PRELID2: variants seen among roughly 807,000 people sequenced by gnomAD.
PRELID2 encodes PRELI domain-containing protein 2.
PRELID2 carries 25 observed loss-of-function variants against 28.4 expected under a neutral mutation model. That is an observed-to-expected ratio of 0.88 (90% confidence interval 0.64 to 1.23). PRELID2 has a LOEUF of 1.23. Ranked by LOEUF, PRELID2 falls within the 50% of genes most tolerant of loss-of-function variation. The pLI is 0.00. For missense variants in PRELID2, 201 were observed against 214.4 expected (o/e 0.94, Z 0.39); for synonymous variants, 76 against 71.6 (o/e 1.06, Z -0.31).
the PRELID2 span, among the ~76,000 whole-genome samples, chr5:145,256,994 C>A: frequency 6.6e-6 from 1 of 151,486 alleles, no homozygotes; most frequent in Admixed American, 6.6e-5. Context: ...TAAAAAGTTT[C>A]TTTGGCTGAA....
At chr5:145,639,801 AT>A (rs1754068149) in intron 1 of PRELID2, among the ~76,000 whole-genome samples, 1 of 152,244 alleles carries the variant, frequency 6.6e-6, no homozygotes, top group Non-Finnish European at 1.5e-5. Context: ...AGAAAAAAAG[AT>A]TTAATAAATA....
intron 1 of PRELID2, among the ~76,000 whole-genome samples, chr5:145,688,820 G>A (rs1198722883): frequency 1.3e-5 from 2 of 152,128 alleles, no homozygotes; most frequent in African/African-American, 4.8e-5. Context: ...AAAGGCAATG[G>A]GAAGCCAATA....
intron 1 of PRELID2, among the ~76,000 whole-genome samples, chr5:145,585,939 A>G (rs1187848805): frequency 6.6e-6 from 1 of 152,096 alleles, no homozygotes; most frequent in Non-Finnish European, 1.5e-5. Context: ...TCCATGAATC[A>G]CTGCTGTAGA....
At chr5:145,418,962 G>C in the PRELID2 span, among the ~76,000 whole-genome samples, 1 of 147,968 alleles carries the variant, frequency 6.8e-6, no homozygotes, top group Non-Finnish European at 1.5e-5. Context: ...TCCCACCTAT[G>C]AGTGAGAATA....
chr5:145,411,782 T>A, the PRELID2 span, among the ~76,000 whole-genome samples: 11 of 152,192 alleles, frequency 7.2e-5, no homozygotes, highest in African/African-American at 2.7e-4. Flanking sequence ...CATCCCTGTA[T>A]CAAACTTTGG....
chr5:145,529,783 C>T (rs753356729), intron 1 of PRELID2, among the ~76,000 whole-genome samples: 1 of 152,090 alleles, frequency 6.6e-6, no homozygotes, highest in Non-Finnish European at 1.5e-5. Flanking sequence ...GTTCACTAAA[C>T]GACTCTCTGA....
chr5:145,318,281 C>T, the PRELID2 span, among the ~76,000 whole-genome samples: 1 of 152,036 alleles, frequency 6.6e-6, no homozygotes, highest in African/African-American at 2.4e-5. Context: ...AGAGACCAAG[C>T]CATTGTTGTC....
the PRELID2 span, among the ~76,000 whole-genome samples, chr5:145,434,750 G>T: frequency 1.3e-5 from 2 of 152,172 alleles, no homozygotes; most frequent in Non-Finnish European, 1.5e-5. Flanking sequence ...GGGGCACTGG[G>T]TAGTGAATAG....
At chr5:145,301,758 T>C in the PRELID2 span, among the ~76,000 whole-genome samples, 1 of 152,172 alleles carries the variant, frequency 6.6e-6, no homozygotes, top group Non-Finnish European at 1.5e-5. Context: ...TAAATTTCAT[T>C]GGCATCTTTG....
At chr5:145,488,123 CAAAAAA>C (rs10643402) in intron 1 of PRELID2, among the ~76,000 whole-genome samples, 2 of 101,388 alleles carry the variant, frequency 2.0e-5, no homozygotes, top group East Asian at 2.8e-4. Context: ...GACTCTGTCT[CAAAAAA>C]AAAAAAAAAA....
At chr5:145,484,323 C>T (rs1752193939) in intron 1 of PRELID2, among the ~76,000 whole-genome samples, 1 of 152,170 alleles carries the variant, frequency 6.6e-6, no homozygotes, top group South Asian at 2.1e-4. Flanking sequence ...CACAAGGAAA[C>T]AGTGACTTCC....
chr5:145,312,391 TATACA>T, the PRELID2 span, among the ~76,000 whole-genome samples: 2 of 152,104 alleles, frequency 1.3e-5, no homozygotes, highest in South Asian at 2.1e-4. Flanking sequence ...AATTTTCAAC[TATACA>T]ATACATTAGT....
chr5:145,297,448 G>C, the PRELID2 span, among the ~76,000 whole-genome samples: 1 of 151,822 alleles, frequency 6.6e-6, no homozygotes, highest in East Asian at 1.9e-4. Context: ...CAATAAATTA[G>C]GTATTGATGG....
the PRELID2 span, among the ~76,000 whole-genome samples, chr5:145,383,593 A>T: frequency 6.6e-6 from 1 of 151,114 alleles, no homozygotes; most frequent in Non-Finnish European, 1.5e-5. Flanking sequence ...TTTTTAACAA[A>T]TGATGTGAAA....
intron 1 of PRELID2, among the ~76,000 whole-genome samples, chr5:145,734,410 C>T (rs976585576): frequency 6.6e-6 from 1 of 152,170 alleles, no homozygotes; most frequent in Non-Finnish European, 1.5e-5. Context: ...AACTAGTGCA[C>T]CAGTTTACAT....
At chr5:145,541,610 A>G (rs1262499470) in intron 1 of PRELID2, among the ~76,000 whole-genome samples, 1 of 152,076 alleles carries the variant, frequency 6.6e-6, no homozygotes, top group Non-Finnish European at 1.5e-5. Flanking sequence ...TTTGCTAAGT[A>G]TATCCCACAT....
chr5:145,335,652 C>T, the PRELID2 span, among the ~76,000 whole-genome samples: 1 of 152,126 alleles, frequency 6.6e-6, no homozygotes, highest in East Asian at 1.9e-4. Context: ...TTGAGACAAA[C>T]ATAAATGGAA....
the PRELID2 span, among the ~76,000 whole-genome samples, chr5:145,388,995 TACTC>T: frequency 8.8e-3 from 1,336 of 152,306 alleles, 22 homozygotes; most frequent in African/African-American, 0.03. Context: ...CAATGTATCT[TACTC>T]ACCACTGTAG....
rs182434091 is a variant in PRELID2, at chr5:145,735,193, T to G, written n.70+29738A>C. 1.1e-3 allele frequency among the ~76,000 whole-genome samples: 162 copies of G among 149,104 alleles called. 2 individuals carry two copies. In the East Asian group the frequency reaches 0.025, roughly 23 times the overall value. The stretch of plus-strand genomic sequence containing the variant: ...CCAGGAGGCAGAAGTTGCAGTGAGT[T>G]GAGATTGCACCATTGCACTCCAGCC... On this transcript the variant is annotated intron_variant and non_coding_transcript_variant, in intron 1 of 2. Transcript: ENST00000510259.
Sources: allele counts gnomAD v4.1 joint callset (sites outside exome capture counted in the v4.1 genomes callset), GRCh38; gene constraint gnomAD v4.1.1; transcripts MANE v1.5; gene names NCBI Gene and HGNC (gene_info 2026-07-23, HGNC 2026-07-21).